PCDHGA6: variants seen among roughly 807,000 people sequenced by gnomAD.
The protein encoded by PCDHGA6 is protocadherin gamma subfamily A, 6, also known as protocadherin gamma-A6.
PCDHGA6 carries 41 observed loss-of-function variants against 60.6 expected under a neutral mutation model. That is an observed-to-expected ratio of 0.68 (90% confidence interval 0.53 to 0.88). PCDHGA6 has a LOEUF of 0.88. PCDHGA6 is among the 40% of genes least tolerant of loss of function. PCDHGA6 has a pLI of 0.00. For missense variants in PCDHGA6, 1,312 were observed against 1,203.0 expected (o/e 1.09, Z -1.34); for synonymous variants, 594 against 524.4 (o/e 1.13, Z -1.81).
intron 1 of PCDHGA6, chr5:141,394,981 G>T: frequency 6.2e-7 from 1 of 1,613,964 alleles, no homozygotes; most frequent in Non-Finnish European, 8.5e-7. Flanking sequence ...CACAAGTCAC[G>T]CCTGCTCCAG....
intron 1 of PCDHGA6, chr5:141,395,711 G>A (rs2093302364): frequency 1.3e-5 from 2 of 154,440 alleles, no homozygotes; most frequent in African/African-American, 4.8e-5. Context: ...CCTGTAACTA[G>A]GCTCTTGTAG....
At chr5:141,394,400 G>A (rs747087099) in intron 1 of PCDHGA6, 2 of 1,614,246 alleles carry the variant, frequency 1.2e-6, no homozygotes, top group South Asian at 2.2e-5. Flanking sequence ...GAGACCTGCA[G>A]CTACTGGTAA....
chr5:141,446,275 A>G (rs1229842331), intron 1 of PCDHGA6, among the ~76,000 whole-genome samples: 1 of 152,156 alleles, frequency 6.6e-6, no homozygotes, highest in African/African-American at 2.4e-5. Flanking sequence ...GAATAAATAC[A>G]ATGGATAAAT....
At chr5:141,399,779 G>T in intron 1 of PCDHGA6, 2 of 1,613,282 alleles carry the variant, frequency 1.2e-6, no homozygotes, top group South Asian at 1.1e-5. Flanking sequence ...GTGGGCGACC[G>T]AAACGACAAC....
At chr5:141,384,280 A>G (rs1779919886) in intron 1 of PCDHGA6, 2 of 1,613,714 alleles carry the variant, frequency 1.2e-6, no homozygotes, top group Non-Finnish European at 1.7e-6. Context: ...CTCAGTCTAC[A>G]TCGCTGAGAA....
chr5:141,416,817 C>T (rs1197915095), intron 1 of PCDHGA6: 1 of 151,958 alleles, frequency 6.6e-6, no homozygotes, highest in Non-Finnish European at 1.5e-5. Flanking sequence ...AAAAAGCATT[C>T]CGAAGTTTCT....
At chr5:141,438,635 T>TATAC (rs1460604450) in intron 1 of PCDHGA6, among the ~76,000 whole-genome samples, 1 of 33,416 alleles carries the variant, frequency 3.0e-5, no homozygotes, top group Admixed American at 4.2e-4. Context: ...TATATATATA[T>TATAC]ACACACACAC....
chr5:141,374,857 C>T lies in PCDHGA6; in HGVS notation c.774C>T (p.Gly258=). The T allele has an allele frequency of 6.2e-7, 1 of 1,613,768 alleles. No individual in the cohort carries two copies. Among genetic ancestry groups the T allele is most frequent in the East Asian group, 2.2e-5 (1 of 44,894 alleles). The change falls in exon 1 of 4, where the codon GGC becomes GGT. Residue 258 remains glycine (G), a synonymous_variant. Transcript: ENST00000517434. ...GTGTTCCTGAAAACCTGCCAGTAGG[C>T]ACACCAGTGTTGGCAGTGACTGCCA... ...RVSVPENLPV[G]TPVLAVTATD... is the part of the protein sequence containing the mutation.
intron 1 of PCDHGA6, among the ~76,000 whole-genome samples, chr5:141,450,782 C>G (rs1012152203): frequency 6.6e-6 from 1 of 151,236 alleles, no homozygotes; most frequent in Non-Finnish European, 1.5e-5. Context: ...CCACCGTGCC[C>G]GGACCTCATG....
Position 141,485,486 on chromosome 5 carries a change from C to T in PCDHGA6, c.2425-9321C>T, listed in dbSNP as rs2099614522. 6 of 1,614,102 alleles carry T rather than the reference C, an allele frequency of 3.7e-6. No individual in the cohort carries two copies. The highest frequency in any genetic ancestry group is 2.2e-5 in the East Asian group (1 of 44,866). The stretch of plus-strand genomic sequence containing the variant: ...TGGGCTCAGTGCCAGCTGCATCGTG[C>T]CCCTGGAGTTTGTCACCGAAGGTCC... On this transcript the variant is annotated intron_variant, in intron 1 of 3. Coordinates refer to ENST00000517434, the MANE Select transcript of PCDHGA6 (RefSeq NM_018919.3). This position sits in a 1 kb window ranked among gnomAD's most constrained non-coding sequence, Gnocchi z 5.7.
chr5:141,374,488 G>A lies in PCDHGA6; in HGVS notation c.405G>A (p.Lys135=), dbSNP rs777789497. ...DINDNTPRFL[K]EELEVKILEN... Reference sequence around the variant, plus strand: ...ATGACAATACACCCCGATTCTTAAAGGAAGAATTGGAAGTGAAAATTCTCG... The same window carrying A: ...ATGACAATACACCCCGATTCTTAAAAGAAGAATTGGAAGTGAAAATTCTCG... Residue 135 remains lysine, a synonymous_variant, in exon 1 of 4, where the codon AAG becomes AAA. Transcript: ENST00000517434. The A allele has an allele frequency of 6.2e-7, 1 of 1,611,190 alleles. No homozygotes were observed. The highest frequency in any genetic ancestry group is 2.2e-5 in the East Asian group (1 of 44,758).
intron 1 of PCDHGA6, chr5:141,391,541 G>T (rs2092385789): frequency 6.6e-6 from 1 of 152,056 alleles, no homozygotes; most frequent in South Asian, 2.1e-4. Flanking sequence ...GGTTTCCATT[G>T]TCTACCCAGT....
At chr5:141,427,678 C>T in intron 1 of PCDHGA6, 1 of 822,634 alleles carries the variant, frequency 1.2e-6, no homozygotes, top group Non-Finnish European at 2.0e-6. Flanking sequence ...AACAACCTTC[C>T]CGGAGCCTCC....
chr5:141,418,948 A>G (rs767664022), intron 1 of PCDHGA6: 1 of 1,614,042 alleles, frequency 6.2e-7, no homozygotes, highest in Non-Finnish European at 8.5e-7. Context: ...CCCCTCCAGG[A>G]GTGGTTGTTG....
At position 141,432,669 on chromosome 5, in the gene PCDHGA6, C is replaced by T. The variant is rs777314784; in HGVS notation, c.2424+56162C>T. ...GCGCGAGCCCTGCTGGACAGAGACG[C>T]GCTCAAGCAGAGCCTCGTAGTGGCC... On this transcript the variant is annotated intron_variant, in intron 1 of 3. Transcript: ENST00000517434. This position sits in a 1 kb window ranked among gnomAD's most constrained non-coding sequence, Gnocchi z 6.0. 1 of 1,613,894 alleles carries T rather than the reference C, an allele frequency of 6.2e-7. No homozygotes were observed.
chr5:141,399,631 T>A lies in PCDHGA6; in HGVS notation c.2424+23124T>A, dbSNP rs1251761184. On this transcript the variant is annotated intron_variant, in intron 1 of 3. Transcript: ENST00000517434. ...GCCTCTGGCACTGGCCTCTTACGTGTCCATGAGCGCGCAAAGTGGGGTGGT... is the reference window on the plus strand; with the variant it reads ...GCCTCTGGCACTGGCCTCTTACGTGACCATGAGCGCGCAAAGTGGGGTGGT... 31 of 1,613,746 alleles carry A rather than the reference T, an allele frequency of 1.9e-5. No homozygotes were observed. The highest frequency in any genetic ancestry group is 2.4e-5 in the Non-Finnish European group (28 of 1,179,892).
rs1379095967 is a variant in PCDHGA6 at position 141,422,752 on chromosome 5, A to C, written c.2424+46245A>C. The C allele has an allele frequency of 6.2e-7, 1 of 1,612,064 alleles. No homozygotes were observed. The highest frequency in any genetic ancestry group is 1.3e-5 in the African/African-American group (1 of 74,892). On this transcript the variant is annotated intron_variant, in intron 1 of 3. Transcript: ENST00000517434. The stretch of plus-strand genomic sequence containing the variant: ...GCCTCTGTCCTCCTATGTCTCTATT[A>C]ACTCCAACACTGGTGTTCTCTATGC...
At chr5:141,420,748 C>G (rs2096523185) in intron 1 of PCDHGA6, among the ~76,000 whole-genome samples, 1 of 152,214 alleles carries the variant, frequency 6.6e-6, no homozygotes, top group Non-Finnish European at 1.5e-5. Context: ...TTGGAACCAA[C>G]TACAACCTAC....
rs183531575 is a variant in PCDHGA6 at position 141,469,308 on chromosome 5, G to A, written c.2425-25499G>A. Among the ~76,000 whole-genome samples the A allele has an allele frequency of 2.5e-3, 379 of 152,184 alleles. 1 individual carries two copies. The highest frequency in any genetic ancestry group is 5.8e-3 in the South Asian group (28 of 4,814). On this transcript the variant is annotated intron_variant, in intron 1 of 3. Transcript: ENST00000517434. ...TAAAACAAAATAGACTGGGCACGAT[G>A]GCTCACGCCTGTAATCCCACCACTT...
Sources: allele counts gnomAD v4.1 joint callset (sites outside exome capture counted in the v4.1 genomes callset), GRCh38; gene constraint gnomAD v4.1.1; non-coding constraint Gnocchi (gnomAD v3.1); transcripts MANE v1.5; gene names NCBI Gene and HGNC (gene_info 2026-07-23, HGNC 2026-07-21).